The following TNIK variants were observed in gnomAD, a reference collection of about 807,000 sequenced individuals.
TNIK encodes TRAF2 and NCK-interacting protein kinase.
A neutral mutation model predicts 191.3 loss-of-function variants in TNIK; 49 were observed. The observed-to-expected ratio is 0.26, with a 90% confidence interval of 0.20 to 0.32. The LOEUF is 0.32. Among genes scored for constraint, TNIK ranks in the 10% least tolerant of loss-of-function variants. TNIK has a pLI of 1.00. For synonymous variants in TNIK, 594 were observed against 600.9 expected, an observed-to-expected ratio of 0.99 and a Z score of 0.17; for missense variants, 1,155 against 1,702.3, an observed-to-expected ratio of 0.68 and a Z score of 5.66.
intron 1 of TNIK, among the ~76,000 whole-genome samples, chr3:171,443,735 G>T (rs1727129843): frequency 6.6e-6 from 1 of 152,212 alleles, no homozygotes; most frequent in East Asian, 1.9e-4. Context: ...GAAGTGGGAG[G>T]ATCACTTGTA....
intron 1 of TNIK, among the ~76,000 whole-genome samples, chr3:171,384,650 G>C (rs935829820): frequency 1.3e-5 from 2 of 152,210 alleles, no homozygotes; most frequent in African/African-American, 4.8e-5. Context: ...TCCAATAAAT[G>C]TTTGGTTAAG....
chr3:171,273,805 C>G (rs1477535616), intron 2 of TNIK, among the ~76,000 whole-genome samples: 3 of 152,290 alleles, frequency 2.0e-5, no homozygotes, highest in Admixed American at 2.0e-4. Flanking sequence ...GTCATGACAA[C>G]TGATAATGAA....
chr3:171,073,928 A>T (rs1267224486), intron 28 of TNIK, among the ~76,000 whole-genome samples: 6 of 152,158 alleles, frequency 3.9e-5, no homozygotes, highest in African/African-American at 1.4e-4. Context: ...AAGTTAGTTC[A>T]GTCTCCTTGG....
chr3:171,262,967 C>CT (rs34686925), intron 2 of TNIK, among the ~76,000 whole-genome samples: 1 of 152,086 alleles, frequency 6.6e-6, no homozygotes, highest in Non-Finnish European at 1.5e-5. Flanking sequence ...AGAGACAGCC[C>CT]TTTTCATAGT....
intron 22 of TNIK, among the ~76,000 whole-genome samples, chr3:171,100,746 GAAA>G (rs111353325): frequency 1.1e-5 from 1 of 92,914 alleles, no homozygotes; most frequent in Non-Finnish European, 2.1e-5. Flanking sequence ...TCCTCACCTT[GAAA>G]AAAAAAAAAA....
intron 4 of TNIK, among the ~76,000 whole-genome samples, chr3:171,207,601 A>G (rs1740259544): frequency 6.6e-6 from 1 of 152,140 alleles, no homozygotes; most frequent in Non-Finnish European, 1.5e-5. Flanking sequence ...GAGGGAGAGC[A>G]AGGGGGACTT....
chr3:171,197,200 C>CA (rs36104389), intron 4 of TNIK, among the ~76,000 whole-genome samples: 2 of 151,758 alleles, frequency 1.3e-5, no homozygotes, highest in Non-Finnish European at 2.9e-5. Flanking sequence ...TATTCACATG[C>CA]AAAAAAATGA....
chr3:171,158,276 T>C (rs1183232615), intron 11 of TNIK, among the ~76,000 whole-genome samples: 1 of 152,248 alleles, frequency 6.6e-6, no homozygotes, highest in African/African-American at 2.4e-5. Context: ...AGGGCTTGGT[T>C]TGGCTCTGGC....
At chr3:171,092,328 G>T (rs1460225604) in intron 23 of TNIK, among the ~76,000 whole-genome samples, 1 of 152,134 alleles carries the variant, frequency 6.6e-6, no homozygotes, top group African/African-American at 2.4e-5. Flanking sequence ...TTTGGATGTG[G>T]CTGGCAATGA....
chr3:171,327,209 G>C (rs915610138), intron 2 of TNIK, among the ~76,000 whole-genome samples: 2 of 152,192 alleles, frequency 1.3e-5, no homozygotes, highest in Non-Finnish European at 2.9e-5. Flanking sequence ...GTTGCAGAGA[G>C]GTAAATGATC....
At chr3:171,413,606 T>A (rs1446725895) in intron 1 of TNIK, among the ~76,000 whole-genome samples, 1 of 152,188 alleles carries the variant, frequency 6.6e-6, no homozygotes, top group Non-Finnish European at 1.5e-5. Context: ...CATGACCAAT[T>A]TGGCCCCCAT....
chr3:171,279,690 T>C lies in TNIK; in HGVS notation c.124-51469A>G, dbSNP rs992736332. Among the ~76,000 whole-genome samples, 6 of 152,146 alleles carry C rather than the reference T, an allele frequency of 3.9e-5. 1 individual carries two copies. The highest frequency in any genetic ancestry group is 2.6e-4 in the Admixed American group (4 of 15,280). ...CATTTTTTGACAATAGCAATGACGATGATGATGATGATGACAAATGCCTTT... is the reference window on the plus strand; with the variant it reads ...CATTTTTTGACAATAGCAATGACGACGATGATGATGATGACAAATGCCTTT... On this transcript the variant is annotated intron_variant, in intron 2 of 32. Transcript: ENST00000436636.
chr3:171,225,161 T>C, intron 3 of TNIK, among the ~76,000 whole-genome samples: 1 of 152,194 alleles, frequency 6.6e-6, no homozygotes, highest in East Asian at 1.9e-4. Context: ...TAATAATTGG[T>C]AAGAAGCTTT....
In TNIK at chr3:171,063,840, T is replaced by G. The variant is rs780433221; in HGVS notation, c.*41A>C. ...CCACATGAGTTATGTTCTTTTAAAT[T>G]AGAAATAACGCCATGAAGATAAGTG... On this transcript the variant is annotated 3_prime_UTR_variant, in exon 33 of 33. Coordinates refer to ENST00000436636, the MANE Select transcript of TNIK (RefSeq NM_015028.4). 1 of 1,594,434 alleles carries G rather than the reference T, an allele frequency of 6.3e-7. No individual in the cohort carries two copies. The highest frequency in any genetic ancestry group is 2.2e-5 in the East Asian group (1 of 44,704).
chr3:171,208,558 G>A (rs1487448135), intron 4 of TNIK, among the ~76,000 whole-genome samples: 1 of 117,052 alleles, frequency 8.5e-6, no homozygotes, highest in Non-Finnish European at 1.8e-5. Flanking sequence ...TTATTTTTGT[G>A]TGTATGTGTG....
intron 2 of TNIK, among the ~76,000 whole-genome samples, chr3:171,310,007 C>T (rs1253500379): frequency 6.6e-6 from 1 of 152,176 alleles, no homozygotes; most frequent in Non-Finnish European, 1.5e-5. Context: ...CAGCCACTCA[C>T]TGGAGCTCTT....
chr3:171,412,234 C>A (rs567442088), intron 1 of TNIK, among the ~76,000 whole-genome samples: 3 of 152,200 alleles, frequency 2.0e-5, no homozygotes, highest in Admixed American at 2.0e-4. Context: ...CAGGGTCCAC[C>A]CCAGAGCAGC....
intron 20 of TNIK, 50 bp from the exon 21 acceptor site, chr3:171,107,256 C>G: frequency 6.3e-7 from 1 of 1,583,758 alleles, no homozygotes; most frequent in Non-Finnish European, 8.6e-7. Context: ...GGAGGAAAAG[C>G]CAGCAGAAAG....
intron 18 of TNIK, among the ~76,000 whole-genome samples, chr3:171,123,105 A>G (rs761632513): frequency 1.3e-5 from 2 of 152,206 alleles, no homozygotes; most frequent in Non-Finnish European, 2.9e-5. Flanking sequence ...TTCTTCTATA[A>G]CTGCCAAGCT....
Sources: allele counts gnomAD v4.1 joint callset (sites outside exome capture counted in the v4.1 genomes callset), GRCh38; gene constraint gnomAD v4.1.1; transcripts MANE v1.5; gene names NCBI Gene and HGNC (gene_info 2026-07-23, HGNC 2026-07-21).